NAALADL2: variants seen among roughly 807,000 people sequenced by gnomAD.
The protein encoded by NAALADL2 is N-acetylated alpha-linked acidic dipeptidase like 2, also known as inactive N-acetylated-alpha-linked acidic dipeptidase-like protein 2.
In NAALADL2, 76 loss-of-function variants were observed where a neutral mutation model predicts 87.2. The ratio of observed to expected loss-of-function variants is 0.87; its 90% CI spans 0.72 to 1.05. The LOEUF (loss-of-function observed/expected upper bound fraction) is 1.05, where lower values mean the gene tolerates loss of function less well. Ranked by LOEUF, NAALADL2 falls within the 50% of genes least tolerant of loss-of-function variation. The pLI, the probability that NAALADL2 is intolerant of heterozygous loss-of-function variation, is 0.00. For missense variants in NAALADL2, 1,089 were observed against 945.8 expected (o/e 1.15, Z -1.99); for synonymous variants, 354 against 331.0 (o/e 1.07, Z -0.75).
intron 1 of NAALADL2, among the ~76,000 whole-genome samples, chr3:175,013,173 C>CATATTTATATATAAATATGTAAAAT (rs1560475472): frequency 1.2e-5 from 1 of 81,934 alleles, no homozygotes; most frequent in African/African-American, 9.4e-5. Context: ...ATATGTAATA[C>CATATTTATATATAAATATGTAAAAT]ATATTTATAT....
rs1560548264 is a variant in NAALADL2 at position 175,437,406 on chromosome 3, C to A, written c.1091-9823C>A. 5.5e-5 allele frequency among the ~76,000 whole-genome samples: 8 copies of A among 144,208 alleles called. No individual in the cohort carries two copies. In the South Asian group the frequency reaches 1.9e-3, roughly 34 times the overall value. 94.6% of individuals were successfully genotyped at this position (144,208 alleles called of 152,430 possible). On this transcript the variant is annotated intron_variant, in intron 5 of 13. Transcript: ENST00000454872. ...TCCAACTTACAAGGGATGTGAAGGA[C>A]CTCTTCAAGGAGAACTACAAACCAC...
chr3:174,982,920 C>G (rs546941691), intron 1 of NAALADL2, among the ~76,000 whole-genome samples: 1 of 152,276 alleles, frequency 6.6e-6, no homozygotes, highest in East Asian at 1.9e-4. Flanking sequence ...GCCTCAGCCT[C>G]CTGAGTAGCT....
intron 5 of NAALADL2, among the ~76,000 whole-genome samples, chr3:175,379,559 A>T (rs1213148970): frequency 6.7e-6 from 1 of 148,358 alleles, no homozygotes; most frequent in Non-Finnish European, 1.5e-5. Flanking sequence ...TTTAAGATGG[A>T]GTCTCACTCT....
intron 2 of NAALADL2, among the ~76,000 whole-genome samples, chr3:174,678,471 G>T (rs566281307): frequency 1.2e-3 from 183 of 152,204 alleles, no homozygotes; most frequent in Non-Finnish European, 1.7e-3. Flanking sequence ...CAAAGTGGGT[G>T]TACAAATTTG....
chr3:175,309,081 A>C (rs1470087760), intron 4 of NAALADL2, among the ~76,000 whole-genome samples: 1 of 152,254 alleles, frequency 6.6e-6, no homozygotes, highest in Non-Finnish European at 1.5e-5. Flanking sequence ...TTGAGAAATT[A>C]CATCTCTGTG....
chr3:174,628,537 A>G (rs962575743), intron 2 of NAALADL2, among the ~76,000 whole-genome samples: 1 of 151,800 alleles, frequency 6.6e-6, no homozygotes, highest in East Asian at 1.9e-4. Context: ...ACATAAGAAA[A>G]TTATGACCCA....
chr3:174,642,780 A>T (rs1346385871), intron 2 of NAALADL2, among the ~76,000 whole-genome samples: 1 of 74,464 alleles, frequency 1.3e-5, no homozygotes, highest in East Asian at 4.8e-4. Context: ...ATATATATAT[A>T]TATATATATG....
At chr3:175,294,505 A>T (rs1756061359) in intron 4 of NAALADL2, among the ~76,000 whole-genome samples, 1 of 152,156 alleles carries the variant, frequency 6.6e-6, no homozygotes, top group Admixed American at 6.5e-5. Flanking sequence ...TCTCACAATT[A>T]TCCTAAATGG....
At chr3:174,524,519 G>C (rs1285108140) in intron 1 of NAALADL2, among the ~76,000 whole-genome samples, 1 of 151,980 alleles carries the variant, frequency 6.6e-6, no homozygotes, top group African/African-American at 2.4e-5. Context: ...TTCAGCAAGG[G>C]ACCACATATA....
At chr3:175,205,012 A>G (rs1268789197) in intron 2 of NAALADL2, among the ~76,000 whole-genome samples, 3 of 152,176 alleles carry the variant, frequency 2.0e-5, no homozygotes, top group Non-Finnish European at 4.4e-5. Flanking sequence ...CAATATTGTA[A>G]AAATGATCAT....
chr3:175,019,340 G>C (rs1407742990), intron 1 of NAALADL2, among the ~76,000 whole-genome samples: 1 of 152,008 alleles, frequency 6.6e-6, no homozygotes, highest in Non-Finnish European at 1.5e-5. Context: ...TAATATTTAA[G>C]TAAATAACTC....
intron 1 of NAALADL2, among the ~76,000 whole-genome samples, chr3:174,467,518 G>A (rs952252239): frequency 6.7e-6 from 1 of 148,516 alleles, no homozygotes; most frequent in African/African-American, 2.5e-5. Context: ...GCTTGAACCC[G>A]GGAGGCAGAG....
chr3:175,188,531 A>T (rs1016594816), intron 2 of NAALADL2, among the ~76,000 whole-genome samples: 5 of 152,096 alleles, frequency 3.3e-5, no homozygotes, highest in African/African-American at 1.2e-4. Flanking sequence ...GTAGTTTCCT[A>T]TGTCCCAGGG....
chr3:175,002,780 G>A (rs1265120968), intron 1 of NAALADL2, among the ~76,000 whole-genome samples: 4 of 152,170 alleles, frequency 2.6e-5, no homozygotes, highest in African/African-American at 4.8e-5. Flanking sequence ...CACTGTTTTG[G>A]TATTATTGCC....
intron 2 of NAALADL2, among the ~76,000 whole-genome samples, chr3:174,736,791 G>A (rs756993244): frequency 6.6e-6 from 1 of 152,186 alleles, no homozygotes; most frequent in African/African-American, 2.4e-5. Flanking sequence ...CCACCTAGGA[G>A]CCTGTCTGTC....
At chr3:175,129,386 TTA>T (rs1370112365) in intron 2 of NAALADL2, among the ~76,000 whole-genome samples, 11 of 152,190 alleles carry the variant, frequency 7.2e-5, no homozygotes. Flanking sequence ...GTGGTTTACA[TTA>T]GTCACCATGG....
In NAALADL2 at chr3:175,110,013, G is replaced by A. The variant is rs957700661; in HGVS notation, c.545+12722G>A. On this transcript the variant is annotated intron_variant, in intron 2 of 13. Transcript: ENST00000454872. ...TCTCTTTAAAAATATTGAAAGTACA[G>A]TAATTTATTTAAAGTTCTACTTTTC... Among the ~76,000 whole-genome samples, 25 of 151,900 alleles carry A rather than the reference G, an allele frequency of 1.6e-4. 1 individual carries two copies. Among genetic ancestry groups the A allele is most frequent in the African/African-American group, 5.8e-4 (24 of 41,506 alleles).
intron 1 of NAALADL2, among the ~76,000 whole-genome samples, chr3:174,441,246 T>C (rs1280614354): frequency 6.6e-6 from 1 of 151,976 alleles, no homozygotes; most frequent in Non-Finnish European, 1.5e-5. Context: ...CGGCGGGTTC[T>C]GAGCGACTCC....
intron 2 of NAALADL2, among the ~76,000 whole-genome samples, chr3:175,119,178 G>A (rs553466074): frequency 6.6e-6 from 1 of 151,518 alleles, no homozygotes; most frequent in Admixed American, 6.6e-5. Flanking sequence ...CTCTGAAACT[G>A]TTAGGAAGCA....
Sources: gnomAD v4.1 joint callset for allele counts (sites outside exome capture counted in the v4.1 genomes callset) on GRCh38, gnomAD v4.1.1 for gene constraint, MANE v1.5 for transcripts, NCBI Gene and HGNC (gene_info 2026-07-23, HGNC 2026-07-21) for gene names.